Variants in WDR47 observed in about 807,000 individuals in gnomAD.
WDR47 encodes WD repeat-containing protein 47.
In WDR47, 32 loss-of-function variants were observed where a neutral mutation model predicts 97.2. The observed-to-expected ratio is 0.33, with a 90% CI of 0.25 to 0.44. WDR47 has a LOEUF of 0.44. Among genes scored for constraint, WDR47 ranks in the 20% least tolerant of loss-of-function variants. WDR47 has a pLI of 1.00. For synonymous variants in WDR47, 375 were observed against 373.5 expected, an observed-to-expected ratio of 1.00 and a Z score of -0.05; for missense variants, 782 against 1,102.3, an observed-to-expected ratio of 0.71 and a Z score of 4.11.
At chr1:108,982,218 C>T (rs1658397498) in intron 12 of WDR47, among the ~76,000 whole-genome samples, 1 of 152,094 alleles carries the variant, frequency 6.6e-6, no homozygotes, top group South Asian at 2.1e-4. Flanking sequence ...TAAAATAAAA[C>T]TCAGTAAAAT....
At chr1:109,031,200 C>T (rs1008075590) in intron 1 of WDR47, among the ~76,000 whole-genome samples, 1 of 140,094 alleles carries the variant, frequency 7.1e-6, no homozygotes, top group Non-Finnish European at 1.6e-5. Flanking sequence ...AATCACCTAA[C>T]ATTTGTAACA....
At chr1:109,006,143 C>T (rs1349796291) in intron 5 of WDR47, among the ~76,000 whole-genome samples, 1 of 151,920 alleles carries the variant, frequency 6.6e-6, no homozygotes, top group Non-Finnish European at 1.5e-5. Flanking sequence ...ATCTGTAATC[C>T]CAGCACTTTG....
At chr1:108,995,468 G>A in intron 8 of WDR47, 112 bp downstream of exon 8, 1 of 1,277,480 alleles carries the variant, frequency 7.8e-7, no homozygotes, top group Non-Finnish European at 1.1e-6. Flanking sequence ...AAAAAAATTG[G>A]TAGGCAGTAA....
intron 13 of WDR47, among the ~76,000 whole-genome samples, chr1:108,975,194 T>C (rs911832203): frequency 1.6e-4 from 24 of 152,060 alleles, no homozygotes; most frequent in African/African-American, 5.8e-4. Flanking sequence ...CAACACAAGA[T>C]TACTGCCAAT....
In WDR47 at chr1:108,971,541, C is replaced by A; in HGVS notation, c.2649G>T (p.Val883=). Residue 883 remains valine, a synonymous_variant, in exon 15 of 15, where the codon GTG becomes GTT. Transcript: ENST00000369962. ...TCACTTTGTCCTTGTGCTCCCCCAC[C>A]ACCATGATAGGAAGCTGCTTGGTGA... ...GDLTKQLPIM[V]VGEHKDKVIQ... The A allele has an allele frequency of 6.2e-7, 1 of 1,614,106 alleles. No homozygotes were observed. Among genetic ancestry groups the A allele is most frequent in the Non-Finnish European group, 8.5e-7 (1 of 1,180,018 alleles).
intron 3 of WDR47, 80 bp downstream of exon 3, chr1:109,017,438 T>C (rs1661498061): frequency 8.2e-7 from 1 of 1,226,184 alleles, no homozygotes; most frequent in African/African-American, 1.5e-5. Context: ...GAAAGAAAAA[T>C]GAAAATGAAA....
chr1:109,030,773 A>G (rs1326759336), intron 1 of WDR47, among the ~76,000 whole-genome samples: 1 of 136,478 alleles, frequency 7.3e-6, no homozygotes, highest in East Asian at 2.1e-4. Flanking sequence ...AAAAAAAAAA[A>G]AGGAGAAAAA....
intron 7 of WDR47, among the ~76,000 whole-genome samples, chr1:109,001,640 T>G (rs926907739): frequency 1.3e-5 from 2 of 152,046 alleles, no homozygotes; most frequent in Non-Finnish European, 2.9e-5. Flanking sequence ...CTGTAATTCC[T>G]GCACTTTGGG....
intron 4 of WDR47, 33 bp downstream of exon 4, chr1:109,013,808 T>C: frequency 6.2e-7 from 1 of 1,606,688 alleles, no homozygotes; most frequent in Non-Finnish European, 8.5e-7. Context: ...AAAACAAGAC[T>C]AGGGCGCAAA....
At position 109,028,740 on chromosome 1, in the gene WDR47, C is replaced by T. The variant is rs867406024; in HGVS notation, c.-9-5219G>A. Among the ~76,000 whole-genome samples, 20 of 151,964 alleles carry T rather than the reference C, an allele frequency of 1.3e-4. No individual in the cohort carries two copies. In the South Asian group the frequency reaches 1.5e-3, roughly 11 times the overall value. ...TGCTGGGATTACAGGCATGAGCCACCGTGCCTGGCCTTAAAAAACTTTTTT... is the reference window on the plus strand; with the variant it reads ...TGCTGGGATTACAGGCATGAGCCACTGTGCCTGGCCTTAAAAAACTTTTTT... On this transcript the variant is annotated intron_variant, in intron 1 of 14. Coordinates refer to ENST00000369962, the MANE Select transcript of WDR47 (RefSeq NM_001142551.2).
intron 1 of WDR47, among the ~76,000 whole-genome samples, chr1:109,031,697 A>G (rs1662614582): frequency 7.2e-6 from 1 of 139,838 alleles, no homozygotes; most frequent in Admixed American, 7.7e-5. Context: ...ACTAATGCAT[A>G]TAATGAAGTA....
At chr1:108,977,592 CT>C (rs1658009917) in intron 13 of WDR47, among the ~76,000 whole-genome samples, 1 of 152,152 alleles carries the variant, frequency 6.6e-6, no homozygotes, top group Non-Finnish European at 1.5e-5. Context: ...TGGCTCACGC[CT>C]ATAATCCCAG....
chr1:108,995,608 G>A lies in WDR47; in HGVS notation c.1663C>T (p.Leu555=). ...TGGCTTCCACAAGGTGATTCCTCCA[G>A]AAAAGGTATGTGATTTGTTGATCCA... ...NPGSTNHIPF[L]EESPCGSQIS... is the part of the protein sequence containing the mutation. Residue 555 remains leucine (L), a synonymous_variant, in exon 8 of 15, where the codon CTG becomes TTG. Transcript: ENST00000369962. 1.9e-6 allele frequency: 3 copies of A among 1,614,104 alleles called. No homozygotes were observed. The highest frequency in any genetic ancestry group is 2.5e-6 in the Non-Finnish European group (3 of 1,180,006).
chr1:109,031,088 A>G (rs1328706290), intron 1 of WDR47, among the ~76,000 whole-genome samples: 1 of 140,352 alleles, frequency 7.1e-6, no homozygotes, highest in Non-Finnish European at 1.6e-5. Context: ...TGTAATTAAT[A>G]AAGTCTGTTT....
chr1:108,995,701 G>C lies in WDR47; in HGVS notation c.1570C>G (p.Pro524Ala), dbSNP rs771610069. ...GSSVTSFTTP[P>A]QDSSQRLTHD... ...GTTAATCTCTGACTAGAGTCTTGGGGTGGTGTAGTAAAACTAGTCACAGAA... is the reference window on the plus strand; with the variant it reads ...GTTAATCTCTGACTAGAGTCTTGGGCTGGTGTAGTAAAACTAGTCACAGAA... Residue 524 changes from proline (P) to alanine (A), a missense_variant, in exon 8 of 15, where the codon CCC (proline) becomes GCC (alanine). Coordinates refer to ENST00000369962, the MANE Select transcript of WDR47 (RefSeq NM_001142551.2). 6.2e-7 allele frequency: 1 copy of C among 1,614,110 alleles called. No individual in the cohort carries two copies. Among genetic ancestry groups the C allele is most frequent in the Admixed American group, 1.7e-5 (1 of 60,004 alleles).
Position 109,006,985 on chromosome 1 carries a change from T to A in WDR47, c.1131-2270A>T, listed in dbSNP as rs555738424. On this transcript the variant is annotated intron_variant, in intron 5 of 14. Transcript: ENST00000369962. ...TAGGATATCTTGCTGTCACCCAGGC[T>A]GGAGTACAGTGGTGCAATCAAGGCT... is the stretch of plus-strand genomic sequence containing the variant. 2.6e-5 allele frequency among the ~76,000 whole-genome samples: 4 copies of A among 152,202 alleles called. No homozygotes were observed. In the East Asian group the frequency reaches 7.7e-4, roughly 29 times the overall value.
rs1225767855 is a variant in WDR47, at chr1:109,031,785, ATCTT to A, written c.-9-8268_-9-8265del. 3.4e-5 allele frequency among the ~76,000 whole-genome samples: 4 copies of A among 118,702 alleles called. 1 individual carries two copies. Among genetic ancestry groups the A allele is most frequent in the African/African-American group, 1.2e-4 (4 of 33,892 alleles). The allele number at this position is 118,702 out of a possible 152,430, so 77.9% of individuals were successfully genotyped here. ...CAGATCTGATTTGAATATCATTTCA[ATCTT>A]TCTTTCTTTTTTTTTTTTTTTTTTT... is the stretch of plus-strand genomic sequence containing the variant. On this transcript the variant is annotated intron_variant, in intron 1 of 14. Transcript: ENST00000369962.
intron 13 of WDR47, among the ~76,000 whole-genome samples, chr1:108,975,658 C>A (rs539683928): frequency 1.6e-3 from 237 of 150,020 alleles, no homozygotes; most frequent in African/African-American, 5.7e-3. Context: ...CAGAGTGAGA[C>A]CCTGTCTCAA....
At chr1:108,989,798 G>A (rs990548881) in intron 9 of WDR47, among the ~76,000 whole-genome samples, 25 of 151,850 alleles carry the variant, frequency 1.6e-4, no homozygotes, top group Non-Finnish European at 1.3e-4. Flanking sequence ...AGGTTCAAGC[G>A]ATTCTCCTGC....
Sources: gnomAD v4.1 joint callset for allele counts (sites outside exome capture counted in the v4.1 genomes callset) on GRCh38, gnomAD v4.1.1 for gene constraint, MANE v1.5 for transcripts, NCBI Gene and HGNC (gene_info 2026-07-23, HGNC 2026-07-21) for gene names.